The following NPRL3 variants were observed in gnomAD, a reference collection of about 807,000 sequenced individuals.
The protein encoded by NPRL3 is NPR3 like, GATOR1 complex subunit.
NPRL3 carries 23 observed loss-of-function variants against 57.2 expected under a neutral mutation model. The ratio of observed to expected loss-of-function variants is 0.40; its 90% CI spans 0.29 to 0.57. NPRL3 has a LOEUF of 0.57. NPRL3 is among the 20% of genes least tolerant of loss of function. NPRL3 has a pLI of 0.42. For synonymous variants in NPRL3, 333 were observed against 321.1 expected, an observed-to-expected ratio of 1.04 and a Z score of -0.39; for missense variants, 691 against 767.1, an observed-to-expected ratio of 0.90 and a Z score of 1.17.
In NPRL3 at chr16:98,200, G is replaced by A; in HGVS notation, c.869C>T (p.Ser290Phe). The A allele has an allele frequency of 6.2e-7, 1 of 1,613,986 alleles. No homozygotes were observed. The highest frequency in any genetic ancestry group is 8.5e-7 in the Non-Finnish European group (1 of 1,179,890). ...PALVRVIKTTSAVKNLQQLAQ... is the reference protein window; with the variant it reads ...PALVRVIKTTFAVKNLQQLAQ... The stretch of plus-strand genomic sequence containing the variant: ...TAGCTGCTGCAGGTTCTTCACAGCA[G>A]ATGTGGTCTTGATCACCCGCACTAG... Residue 290 changes from serine (S) to phenylalanine (F), a missense_variant, in exon 9 of 14, where the codon TCT becomes TTT. By Grantham distance (155) the Ser-to-Phe change is radical. Transcript: ENST00000611875.
chr16:121,964 G>A (rs1027463759), intron 3 of NPRL3, among the ~76,000 whole-genome samples: 14 of 151,806 alleles, frequency 9.2e-5, no homozygotes, highest in South Asian at 4.2e-4. Context: ...TAGTAGAGAC[G>A]GGGTTTCACC....
chr16:135,421 T>C (rs1165043729), intron 2 of NPRL3, among the ~76,000 whole-genome samples: 1 of 152,052 alleles, frequency 6.6e-6, no homozygotes, highest in Non-Finnish European at 1.5e-5. Flanking sequence ...CCAGCCTGGC[T>C]GATATGGTGA....
chr16:107,612 A>G (rs1899594903), intron 7 of NPRL3, among the ~76,000 whole-genome samples: 1 of 143,626 alleles, frequency 7.0e-6, no homozygotes, highest in African/African-American at 2.7e-5. Context: ...AAAAAAAAAA[A>G]GAAGAAGAAA....
At chr16:89,094 C>T (rs1171543107) in intron 12 of NPRL3, 11 of 591,244 alleles carry the variant, frequency 1.9e-5, no homozygotes, top group Non-Finnish European at 3.0e-5. Context: ...CGGGTAGCCT[C>T]CCCTCTGGGG....
Position 138,285 on chromosome 16 carries a change from G to A in NPRL3, c.-18C>T. 1.3e-6 allele frequency: 2 copies of A among 1,578,006 alleles called. No homozygotes were observed. The highest frequency in any genetic ancestry group is 1.2e-5 in the South Asian group (1 of 86,492). On this transcript the variant is annotated 5_prime_UTR_variant, in exon 2 of 14. Coordinates refer to ENST00000611875, the MANE Select transcript of NPRL3 (RefSeq NM_001077350.3). ...TCCCGCATCCCGCCGTGGGGCCGGG[G>A]CCGGGGGCGGAGGGGGCCAGAGGAG...
chr16:132,668 CTT>C (rs869062857), intron 2 of NPRL3, among the ~76,000 whole-genome samples: 13 of 120,220 alleles, frequency 1.1e-4, no homozygotes, highest in Admixed American at 1.6e-4. Context: ...AATTGTATTT[CTT>C]TTTTTTTTTT....
chr16:127,823 T>A (rs1900602842), intron 3 of NPRL3, among the ~76,000 whole-genome samples: 1 of 150,966 alleles, frequency 6.6e-6, no homozygotes, highest in South Asian at 2.1e-4. Flanking sequence ...CCCGGATAAC[T>A]TTTTGTATTT....
chr16:86,630 C>A lies in NPRL3; in HGVS notation c.*75G>T. ...GGGCCAAGAGGGCTCAGCCTCAGCA[C>A]GGGGGGAGCCCTGGGGTGGGGAGAC... On this transcript the variant is annotated 3_prime_UTR_variant, in exon 14 of 14. Coordinates refer to ENST00000611875, the MANE Select transcript of NPRL3 (RefSeq NM_001077350.3). The A allele has an allele frequency of 1.4e-6, 2 of 1,430,440 alleles. No individual in the cohort carries two copies. Among genetic ancestry groups the A allele is most frequent in the Non-Finnish European group, 1.9e-6 (2 of 1,065,370 alleles). The allele number at this position is 1,430,440 out of a possible 1,614,324, so 88.6% of individuals were successfully genotyped here.
At position 98,300 on chromosome 16, in the gene NPRL3, G is replaced by C. The variant is rs746568841; in HGVS notation, c.769C>G (p.Pro257Ala). 45 of 1,611,990 alleles carry C rather than the reference G, an allele frequency of 2.8e-5. No individual in the cohort carries two copies. The highest frequency in any genetic ancestry group is 3.6e-5 in the Non-Finnish European group (43 of 1,179,198). ...AIERSLKAIR[P>A]YHALLLLSDE... ...CTGAGCAGCAGCAGGGCATGGTAGGGGCTGCAAAACAATCACCTGTCACGG... is the reference window on the plus strand; with the variant it reads ...CTGAGCAGCAGCAGGGCATGGTAGGCGCTGCAAAACAATCACCTGTCACGG... The change falls in exon 9 of 14, where the codon CCC (proline) becomes GCC (alanine). Residue 257 changes from proline (P) to alanine (A), a missense_variant and splice_region_variant. Pro to Ala is a conservative substitution (Grantham distance 27). Coordinates refer to ENST00000611875, the MANE Select transcript of NPRL3 (RefSeq NM_001077350.3).
intron 10 of NPRL3, 43 bp from the exon 11 acceptor site, chr16:92,768 C>A: frequency 2.5e-6 from 4 of 1,606,722 alleles, no homozygotes; most frequent in Middle Eastern, 1.7e-4. Context: ...CAGACCCCCC[C>A]ACCGTGTTCT....
At chr16:127,235 A>ATTTTTTTTTTTTTTTTTTTTTTTTTTT in intron 3 of NPRL3, 1 of 99,802 alleles carries the variant, frequency 1.0e-5, no homozygotes, top group Non-Finnish European at 1.9e-5. Flanking sequence ...GCACTGTCCA[A>ATTTTTTTTTTTTTTTTTTTTTTTTTTT]TTTTTTTTTT....
At chr16:98,916 G>A (rs941684269) in intron 8 of NPRL3, among the ~76,000 whole-genome samples, 16 of 152,094 alleles carry the variant, frequency 1.1e-4, no homozygotes, top group African/African-American at 3.9e-4. Context: ...CCAGCCTGGC[G>A]ACAGAGTGAG....
At position 138,339 on chromosome 16, in the gene NPRL3, G is replaced by C. The variant is rs377155613; in HGVS notation, c.-67-5C>G. ...GGAGCCGGAGGCGGAGGGGGCCTGAGGAGGACGGAGCCGGAGGCGGAGGGG... is the reference window on the plus strand; with the variant it reads ...GGAGCCGGAGGCGGAGGGGGCCTGACGAGGACGGAGCCGGAGGCGGAGGGG... On this transcript the variant is annotated splice_region_variant and splice_polypyrimidine_tract_variant and intron_variant, in intron 1 of 13. Coordinates refer to ENST00000611875, the MANE Select transcript of NPRL3 (RefSeq NM_001077350.3). The C allele has an allele frequency of 2.6e-5, 30 of 1,169,356 alleles. No individual in the cohort carries two copies. The highest frequency in any genetic ancestry group is 1.6e-4 in the East Asian group (6 of 37,414). 72.4% of individuals were successfully genotyped at this position (1,169,356 alleles called of 1,614,324 possible).
chr16:100,239 G>A, intron 8 of NPRL3, 133 bp downstream of exon 8: 1 of 920,692 alleles, frequency 1.1e-6, no homozygotes, highest in Non-Finnish European at 1.5e-6. Flanking sequence ...AAACGGCAGA[G>A]CCCCACCTGC....
rs1900171939 is a variant in NPRL3 at position 119,066 on chromosome 16, C to T, written c.318+60G>A. ...CACACCTGCCCAAGGAGAGCCACACCTGCCCAAGGAGAGCCACATCTGCCC... is the reference window on the plus strand; with the variant it reads ...CACACCTGCCCAAGGAGAGCCACACTTGCCCAAGGAGAGCCACATCTGCCC... On this transcript the variant is annotated intron_variant, in intron 4 of 13. Transcript: ENST00000611875. 4.4e-6 allele frequency: 7 copies of T among 1,603,446 alleles called. No individual in the cohort carries two copies. In the Admixed American group the frequency reaches 1.2e-4, roughly 27 times the overall value.
At chr16:107,683 C>T (rs762862923) in intron 7 of NPRL3, among the ~76,000 whole-genome samples, 1 of 151,956 alleles carries the variant, frequency 6.6e-6, no homozygotes, top group Non-Finnish European at 1.5e-5. Context: ...GACAGGGTCT[C>T]ACCATGTTGC....
chr16:118,412 A>G (rs976636341), intron 4 of NPRL3, among the ~76,000 whole-genome samples: 1 of 152,160 alleles, frequency 6.6e-6, no homozygotes. Flanking sequence ...GCTAAATAAT[A>G]CTAATATTAG....
Position 138,334 on chromosome 16 carries a change from C to T in NPRL3, c.-67G>A. On this transcript the variant is annotated splice_region_variant and 5_prime_UTR_variant, in exon 2 of 14. Coordinates refer to ENST00000611875, the MANE Select transcript of NPRL3 (RefSeq NM_001077350.3). Reference sequence around the variant, plus strand: ...AGGACGGAGCCGGAGGCGGAGGGGGCCTGAGGAGGACGGAGCCGGAGGCGG... The same window carrying T: ...AGGACGGAGCCGGAGGCGGAGGGGGTCTGAGGAGGACGGAGCCGGAGGCGG... 1 of 787,304 alleles carries T rather than the reference C, an allele frequency of 1.3e-6. No individual in the cohort carries two copies. The highest frequency in any genetic ancestry group is 1.6e-6 in the Non-Finnish European group (1 of 620,444). 48.8% of individuals were successfully genotyped at this position (787,304 alleles called of 1,614,324 possible). A position where few individuals can be genotyped will look rare whatever the true frequency, so the allele number is the denominator to read the frequency against.
chr16:131,597 C>CAAAAAA (rs59373757), intron 2 of NPRL3, among the ~76,000 whole-genome samples: 24 of 69,674 alleles, frequency 3.4e-4, no homozygotes, highest in Middle Eastern at 0.01. Flanking sequence ...GACTCAGTCT[C>CAAAAAA]AAAAAAAAAA....
Sources: gnomAD v4.1 joint callset for allele counts (sites outside exome capture counted in the v4.1 genomes callset) on GRCh38, gnomAD v4.1.1 for gene constraint, MANE v1.5 for transcripts, NCBI Gene and HGNC (gene_info 2026-07-23, HGNC 2026-07-21) for gene names.